Variants in PPM1E observed in about 807,000 individuals in gnomAD.
PPM1E encodes protein phosphatase, Mg2+/Mn2+ dependent 1E.
In PPM1E, 20 loss-of-function variants were observed where a neutral mutation model predicts 65.9. The ratio of observed to expected loss-of-function variants is 0.30; its 90% CI spans 0.21 to 0.44. The LOEUF is 0.44. Among genes scored for constraint, PPM1E ranks in the 20% least tolerant of loss-of-function variants. The pLI is 1.00. For synonymous variants in PPM1E, 352 were observed against 374.9 expected (o/e 0.94, Z 0.70); for missense variants, 713 against 953.1 (o/e 0.75, Z 3.32).
At position 58,981,007 on chromosome 17, in the gene PPM1E, T is replaced by C. The variant is rs372323848; in HGVS notation, c.2244T>C (p.Leu748=). Residue 748 remains leucine, a synonymous_variant, in exon 7 of 7, where the codon CTT becomes CTC. Transcript: ENST00000308249. Reference sequence around the variant, plus strand: ...CTCATGATATTCCATGCCCAGATCTTCCTTGGAGCTATAAAATAGAATAAT... The same window carrying C: ...CTCATGATATTCCATGCCCAGATCTCCCTTGGAGCTATAAAATAGAATAAT... The part of the protein sequence containing the change: ...RKTHDIPCPD[L]PWSYKIE 59 of 1,601,252 alleles carry C rather than the reference T, an allele frequency of 3.7e-5. No homozygotes were observed. In the Middle Eastern group the frequency reaches 5.2e-4, roughly 14 times the overall value.
intron 1 of PPM1E, among the ~76,000 whole-genome samples, chr17:58,825,956 T>C (rs2050531667): frequency 6.6e-6 from 1 of 152,030 alleles, no homozygotes. Flanking sequence ...GTTTTAATGG[T>C]TCCTGACATT....
At chr17:58,921,821 G>T (rs1051715188) in intron 1 of PPM1E, among the ~76,000 whole-genome samples, 3 of 151,876 alleles carry the variant, frequency 2.0e-5, no homozygotes, top group Admixed American at 6.6e-5. Context: ...TGGGTGGATT[G>T]TCTGAGGTCA....
At position 58,968,175 on chromosome 17, in the gene PPM1E, G is replaced by C. The variant is rs1345354937; in HGVS notation, c.784-1364G>C. 3.3e-5 allele frequency among the ~76,000 whole-genome samples: 5 copies of C among 152,170 alleles called. No homozygotes were observed. The East Asian group carries it at 7.7e-4, about 23-fold the overall frequency. ...TTGCTGAAAGAACTAGTTGTAATGT[G>C]TGTGTTAGACAAAGGTTTCATAACA... is the stretch of plus-strand genomic sequence containing the variant. On this transcript the variant is annotated intron_variant, in intron 3 of 6. Coordinates refer to ENST00000308249, the MANE Select transcript of PPM1E (RefSeq NM_014906.5).
At chr17:58,856,584 G>A (rs575817720) in intron 1 of PPM1E, among the ~76,000 whole-genome samples, 58 of 152,300 alleles carry the variant, frequency 3.8e-4, no homozygotes, top group Non-Finnish European at 6.8e-4. Flanking sequence ...CAGCACCTCA[G>A]AATGATATAG....
chr17:58,809,521 C>G (rs2050345713), intron 1 of PPM1E, among the ~76,000 whole-genome samples: 1 of 152,140 alleles, frequency 6.6e-6, no homozygotes, highest in African/African-American at 2.4e-5. Flanking sequence ...GTAGCTAAGA[C>G]TATAGACATG....
rs117410070 is a variant in PPM1E at position 58,801,488 on chromosome 17, C to G, written c.464+45027C>G. ...GTGGAGTCTCTTTCTATTGCCTAGA[C>G]TGGAATGCAGTGGCACGATCTCGGC... On this transcript the variant is annotated intron_variant, in intron 1 of 6. Transcript: ENST00000308249. Among the ~76,000 whole-genome samples the G allele has an allele frequency of 6.4e-4, 84 of 131,140 alleles. 2 individuals are homozygous for G. In the East Asian group the frequency reaches 0.019, roughly 29 times the overall value. 86.0% of individuals were successfully genotyped at this position (131,140 alleles called of 152,430 possible).
intron 1 of PPM1E, among the ~76,000 whole-genome samples, chr17:58,896,456 A>G (rs1441088240): frequency 1.3e-5 from 2 of 151,074 alleles, no homozygotes; most frequent in Admixed American, 6.6e-5. Flanking sequence ...ATGGTGGTGC[A>G]TGCCTGTAGT....
chr17:58,769,684 A>G (rs553093095), intron 1 of PPM1E, among the ~76,000 whole-genome samples: 2 of 152,254 alleles, frequency 1.3e-5, no homozygotes, highest in South Asian at 4.1e-4. Flanking sequence ...AATGTCATAT[A>G]TTAAGTATCT....
intron 6 of PPM1E, among the ~76,000 whole-genome samples, chr17:58,977,140 T>C (rs2031052359): frequency 6.6e-6 from 1 of 152,094 alleles, no homozygotes; most frequent in African/African-American, 2.4e-5. Context: ...TGGTTTTGAC[T>C]CCTGTAAGAA....
At chr17:58,805,985 C>CAAAAAAAAAAA (rs1217000216) in intron 1 of PPM1E, among the ~76,000 whole-genome samples, 1 of 77,480 alleles carries the variant, frequency 1.3e-5, no homozygotes, top group African/African-American at 5.9e-5. Context: ...AAAAAAAAAA[C>CAAAAAAAAAAA]AAAACAAAAC....
At chr17:58,943,913 G>A (rs1417489522) in intron 1 of PPM1E, among the ~76,000 whole-genome samples, 2 of 152,126 alleles carry the variant, frequency 1.3e-5, no homozygotes, top group African/African-American at 4.8e-5. Flanking sequence ...TACATAGTAG[G>A]CCTCAATAAA....
chr17:58,965,188 A>G (rs2030184516), intron 2 of PPM1E, among the ~76,000 whole-genome samples: 2 of 152,140 alleles, frequency 1.3e-5, no homozygotes. Context: ...ATGGTAAGCA[A>G]CGTAAACCCT....
At chr17:58,892,019 A>G (rs2051353727) in intron 1 of PPM1E, among the ~76,000 whole-genome samples, 1 of 151,850 alleles carries the variant, frequency 6.6e-6, no homozygotes, top group Admixed American at 6.6e-5. Flanking sequence ...TATTTTTAGT[A>G]GAGACAGCAT....
chr17:58,865,873 C>G (rs2143322169), intron 1 of PPM1E, among the ~76,000 whole-genome samples: 1 of 152,290 alleles, frequency 6.6e-6, no homozygotes, highest in Admixed American at 6.5e-5. Context: ...ATTTACATCC[C>G]TAGGCACAGA....
intron 1 of PPM1E, among the ~76,000 whole-genome samples, chr17:58,894,482 T>G (rs2051387568): frequency 6.6e-6 from 1 of 152,146 alleles, no homozygotes. Context: ...CTGCATGGAT[T>G]TGGATTTGTG....
At chr17:58,882,497 T>G (rs145699884) in intron 1 of PPM1E, among the ~76,000 whole-genome samples, 3,058 of 152,160 alleles carry the variant, frequency 0.02, 58 homozygotes, top group Non-Finnish European at 0.026. Flanking sequence ...TTCAAACGAT[T>G]CTTCTGCCTC....
Position 58,981,153 on chromosome 17 carries a change from TTAAATGTAAATAGA to T in PPM1E, c.*124_*137del. 1.4e-6 allele frequency: 1 copy of T among 694,792 alleles called. No homozygotes were observed. Among genetic ancestry groups the T allele is most frequent in the Non-Finnish European group, 2.3e-6 (1 of 425,748 alleles). 43.0% of individuals were successfully genotyped at this position (694,792 alleles called of 1,614,324 possible). ...TATGAATCCATGGATGGCTCAATTC[TTAAATGTAAATAGA>T]TCTCTAGGAAACTCAAAGTACAGTG... On this transcript the variant is annotated 3_prime_UTR_variant, in exon 7 of 7. Coordinates refer to ENST00000308249, the MANE Select transcript of PPM1E (RefSeq NM_014906.5).
intron 1 of PPM1E, among the ~76,000 whole-genome samples, chr17:58,945,817 G>A (rs942916040): frequency 1.3e-5 from 2 of 152,166 alleles, no homozygotes; most frequent in African/African-American, 4.8e-5. Context: ...GATATACAGG[G>A]TGAGGTCCTG....
intron 1 of PPM1E, among the ~76,000 whole-genome samples, chr17:58,812,605 G>A (rs1188408843): frequency 6.6e-5 from 10 of 152,092 alleles, no homozygotes; most frequent in Non-Finnish European, 1.3e-4. Flanking sequence ...TCTGTCGCCC[G>A]TGTTGGGGCA....
Sources: allele counts gnomAD v4.1 joint callset (sites outside exome capture counted in the v4.1 genomes callset), GRCh38; gene constraint gnomAD v4.1.1; transcripts MANE v1.5; gene names NCBI Gene and HGNC (gene_info 2026-07-23, HGNC 2026-07-21).